Variants in DOCK1 observed in about 807,000 individuals in gnomAD.
DOCK1 encodes dedicator of cytokinesis protein 1.
Under a neutral mutation model 262.7 loss-of-function variants are expected in DOCK1, and 138 were observed. The observed-to-expected ratio is 0.53, with a 90% CI of 0.46 to 0.61. DOCK1 has a LOEUF of 0.61. Ranked by LOEUF, DOCK1 falls within the 20% of genes least tolerant of loss-of-function variation. The pLI is 0.00. For synonymous variants in DOCK1, 866 were observed against 867.4 expected (o/e 1.00, Z 0.03); for missense variants, 1,908 against 2,370.7 (o/e 0.80, Z 4.05).
At chr10:127,019,033 T>G in intron 13 of DOCK1, 198 bp downstream of exon 13, 1 of 754,354 alleles carries the variant, frequency 1.3e-6, no homozygotes, top group Non-Finnish European at 2.0e-6. Flanking sequence ...TGGCCCCCTG[T>G]ACCCCTGGAT....
At chr10:127,286,302 T>C (rs1243234390) in intron 29 of DOCK1, among the ~76,000 whole-genome samples, 3 of 152,208 alleles carry the variant, frequency 2.0e-5, no homozygotes, top group Non-Finnish European at 2.9e-5. Context: ...GATTTAGAAT[T>C]TGAGGCTAGC....
rs982620899 is a variant in DOCK1 at position 127,175,110 on chromosome 10, A to G, written c.2847+47346A>G. ...CTTAGACTATGACCTGTTTACGGAA[A>G]TGCTGGCTTTAGTCTCATTACAGAC... On this transcript the variant is annotated intron_variant, in intron 27 of 51. Transcript: ENST00000623213. The surrounding 1 kb of genome is among the most constrained non-coding windows in gnomAD (Gnocchi z 6.3). 3 of 1,026,522 alleles carry G rather than the reference A, an allele frequency of 2.9e-6. No homozygotes were observed. In the African/African-American group the frequency reaches 4.8e-5, roughly 16 times the overall value. 63.6% of individuals were successfully genotyped at this position (1,026,522 alleles called of 1,614,324 possible).
Position 126,995,009 on chromosome 10 carries a change from C to T in DOCK1, c.474-1739C>T, listed in dbSNP as rs1246613051. Among the ~76,000 whole-genome samples, 7 of 151,076 alleles carry T rather than the reference C, an allele frequency of 4.6e-5. No individual in the cohort carries two copies. The highest frequency in any genetic ancestry group is 1.0e-4 in the Non-Finnish European group (7 of 67,842). On this transcript the variant is annotated intron_variant, in intron 6 of 51. Transcript: ENST00000623213. This position sits in a 1 kb window ranked among gnomAD's most constrained non-coding sequence, Gnocchi z 5.8. Reference sequence around the variant, plus strand: ...GCTCCTCACCTCCCAGACGGGGTGGCGGCGGGGCAGAGACACTCCTCAGTT... The same window carrying T: ...GCTCCTCACCTCCCAGACGGGGTGGTGGCGGGGCAGAGACACTCCTCAGTT...
At chr10:127,348,101 A>T (rs1431186973) in intron 31 of DOCK1, among the ~76,000 whole-genome samples, 1 of 151,766 alleles carries the variant, frequency 6.6e-6, no homozygotes, top group African/African-American at 2.4e-5. Flanking sequence ...CCACGCAGAG[A>T]ACTGATTATG....
chr10:127,077,993 G>A (rs369340363), intron 23 of DOCK1, among the ~76,000 whole-genome samples: 1 of 152,100 alleles, frequency 6.6e-6, no homozygotes, highest in Non-Finnish European at 1.5e-5. Context: ...AGGAGTGGAG[G>A]CAGGCAGCCT....
At chr10:127,417,872 G>A (rs995402495) in intron 44 of DOCK1, among the ~76,000 whole-genome samples, 1 of 152,126 alleles carries the variant, frequency 6.6e-6, no homozygotes, top group Non-Finnish European at 1.5e-5. Flanking sequence ...CACCACGCCT[G>A]CCCATCACTC....
At chr10:127,047,136 G>T (rs1374627806) in intron 21 of DOCK1, among the ~76,000 whole-genome samples, 2 of 152,170 alleles carry the variant, frequency 1.3e-5, no homozygotes, top group South Asian at 2.1e-4. Flanking sequence ...ACCGTGTGTT[G>T]TTGTTAATTC....
intron 29 of DOCK1, among the ~76,000 whole-genome samples, chr10:127,264,876 G>A (rs935090895): frequency 3.9e-5 from 6 of 152,082 alleles, no homozygotes; most frequent in African/African-American, 9.7e-5. Context: ...GCCATATGGC[G>A]CAGGCTGGTC....
At chr10:127,351,495 C>T (rs117950513) in intron 31 of DOCK1, among the ~76,000 whole-genome samples, 25 of 152,272 alleles carry the variant, frequency 1.6e-4, no homozygotes, top group Middle Eastern at 3.4e-3. Flanking sequence ...CCTGGGGGTG[C>T]GTGCTGTGGG....
chr10:126,910,152 T>G (rs2031554289), intron 1 of DOCK1, among the ~76,000 whole-genome samples: 1 of 152,222 alleles, frequency 6.6e-6, no homozygotes, highest in Admixed American at 6.5e-5. Flanking sequence ...TAAATAGAAA[T>G]GCAGGCATTT....
At chr10:127,361,929 G>T (rs542460680) in intron 32 of DOCK1, 135 bp from the exon 33 acceptor site, 3 of 989,314 alleles carry the variant, frequency 3.0e-6, no homozygotes, top group Non-Finnish European at 4.3e-6. Flanking sequence ...ATCTGCAGAC[G>T]CGAAATGGAT....
Position 127,444,279 on chromosome 10 carries a change from A to T in DOCK1, c.5413A>T (p.Ser1805Cys), listed in dbSNP as rs778782461. 6.2e-7 allele frequency: 1 copy of T among 1,602,860 alleles called. No homozygotes were observed. The highest frequency in any genetic ancestry group is 8.5e-7 in the Non-Finnish European group (1 of 1,175,510). Residue 1805 changes from serine (S) to cysteine (C), a missense_variant and splice_region_variant, in exon 50 of 52, where the codon AGC (serine) becomes TGC (cysteine). Transcript: ENST00000623213. ...RAKLSFSMQS[S>C]LELNGMTGAD... The stretch of plus-strand genomic sequence containing the variant: ...CAAGCTCAGCTTCAGCATGCAGTCG[A>T]GTAAGTGGAACGCTCCCCACATACG...
intron 1 of DOCK1, among the ~76,000 whole-genome samples, chr10:126,952,670 GTATTGT>G (rs1304204548): frequency 2.0e-5 from 3 of 147,872 alleles, no homozygotes; most frequent in African/African-American, 7.7e-5. Flanking sequence ...GTTATTGGTA[GTATTGT>G]TGTTGTTGGT....
intron 6 of DOCK1, among the ~76,000 whole-genome samples, chr10:126,993,886 T>G (rs1193207688): frequency 6.6e-6 from 1 of 152,234 alleles, no homozygotes; most frequent in African/African-American, 2.4e-5. Context: ...GTATCTGGCT[T>G]TAAGGTGTGT....
chr10:127,060,179 G>T (rs565030611), intron 22 of DOCK1, among the ~76,000 whole-genome samples: 3 of 152,074 alleles, frequency 2.0e-5, no homozygotes, highest in African/African-American at 7.2e-5. Context: ...TTTTCGTTTT[G>T]GTTTTTAGTC....
Position 127,419,766 on chromosome 10 carries a change from G to A in DOCK1, c.4776+17G>A, listed in dbSNP as rs1474473905. On this transcript the variant is annotated intron_variant, in intron 46 of 51. Coordinates refer to ENST00000623213, the MANE Select transcript of DOCK1 (RefSeq NM_001290223.2). ...GCTTGGCAGGTAAAGTGTCCAGCAA[G>A]AGTCCTGCATGGCTGGAGGGAAGGA... 2 of 1,577,786 alleles carry A rather than the reference G, an allele frequency of 1.3e-6. No homozygotes were observed. Among genetic ancestry groups the A allele is most frequent in the East Asian group, 4.7e-5 (2 of 42,902 alleles).
At chr10:127,020,259 A>G (rs1387110248) in intron 13 of DOCK1, among the ~76,000 whole-genome samples, 1 of 152,224 alleles carries the variant, frequency 6.6e-6, no homozygotes, top group East Asian at 1.9e-4. Context: ...CATTTGAGAT[A>G]CAGATTTATA....
intron 27 of DOCK1, among the ~76,000 whole-genome samples, chr10:127,177,799 G>C (rs2055318106): frequency 6.6e-6 from 1 of 152,248 alleles, no homozygotes; most frequent in Admixed American, 6.5e-5. Flanking sequence ...AGTGCCAGAT[G>C]CTCTGCTCGT....
chr10:127,068,978 A>C (rs542686053), intron 23 of DOCK1, among the ~76,000 whole-genome samples: 2 of 152,236 alleles, frequency 1.3e-5, no homozygotes, highest in Non-Finnish European at 2.9e-5. Context: ...TTCAGTTTTC[A>C]TGAACAGTGC....
Sources: gnomAD v4.1 joint callset for allele counts (sites outside exome capture counted in the v4.1 genomes callset) on GRCh38, gnomAD v4.1.1 for gene constraint, Gnocchi (gnomAD v3.1) non-coding constraint, MANE v1.5 for transcripts, NCBI Gene and HGNC (gene_info 2026-07-23, HGNC 2026-07-21) for gene names.